The following COL9A1 variants were observed in gnomAD, a reference collection of about 807,000 sequenced individuals.
COL9A1 encodes the protein collagen type IX alpha 1 chain.
COL9A1 carries 104 observed loss-of-function variants against 142.6 expected under a neutral mutation model. The observed-to-expected ratio is 0.73, with a 90% CI of 0.62 to 0.86. The LOEUF (loss-of-function observed/expected upper bound fraction) is 0.86. COL9A1 is among the 40% of genes least tolerant of loss of function. COL9A1 has a pLI of 0.00. For missense variants in COL9A1, 1,210 were observed against 1,176.6 expected (o/e 1.03, Z -0.42); for synonymous variants, 466 against 396.0 (o/e 1.18, Z -2.10).
chr6:70,281,696 G>A (rs577261934), intron 7 of COL9A1, among the ~76,000 whole-genome samples: 1 of 152,266 alleles, frequency 6.6e-6, no homozygotes, highest in East Asian at 1.9e-4. Flanking sequence ...CGCCCCCAAG[G>A]TTGGGGGAGG....
intron 33 of COL9A1, among the ~76,000 whole-genome samples, chr6:70,238,894 T>C (rs1490591008): frequency 6.6e-6 from 1 of 152,192 alleles, no homozygotes; most frequent in Admixed American, 6.5e-5. Context: ...AACCCAGCAC[T>C]TTGGGAGGCT....
At chr6:70,299,141 T>C (rs946593108) in intron 4 of COL9A1, among the ~76,000 whole-genome samples, 1 of 152,112 alleles carries the variant, frequency 6.6e-6, no homozygotes, top group Non-Finnish European at 1.5e-5. Context: ...TAATATATAG[T>C]AGGTTCAAAA....
At chr6:70,297,493 T>G (rs2087616578) in intron 4 of COL9A1, among the ~76,000 whole-genome samples, 2 of 152,148 alleles carry the variant, frequency 1.3e-5, no homozygotes, top group Admixed American at 6.5e-5. Flanking sequence ...TAAGACCACT[T>G]AAAAGTCTCA....
At chr6:70,284,444 A>G (rs1773360948) in intron 5 of COL9A1, among the ~76,000 whole-genome samples, 1 of 152,200 alleles carries the variant, frequency 6.6e-6, no homozygotes, top group Non-Finnish European at 1.5e-5. Flanking sequence ...GACTCAGGAG[A>G]AAAAGATATA....
chr6:70,277,920 ACTTAC>A (rs1772875204), intron 10 of COL9A1, among the ~76,000 whole-genome samples: 2 of 152,206 alleles, frequency 1.3e-5, no homozygotes, highest in African/African-American at 4.8e-5. Context: ...AAGCTCTCCT[ACTTAC>A]TTAGCTCCCC....
Position 70,280,812 on chromosome 6 carries a change from A to T in COL9A1, c.975T>A (p.Asp325Glu). 1.2e-6 allele frequency: 2 copies of T among 1,611,942 alleles called. No individual in the cohort carries two copies. Among genetic ancestry groups the T allele is most frequent in the Non-Finnish European group, 1.7e-6 (2 of 1,179,318 alleles). Residue 325 changes from aspartate to glutamate, a missense_variant and splice_region_variant, in exon 10 of 38, where the codon GAT becomes GAA. Transcript: ENST00000357250. ...GCCCTCCCAGCACTCGCCTACTCAC[A>T]TCAGCGCCAGGTGTGCCAGGCTTGC... Reference protein sequence around the residue: ...APGKPGTPGADGLTGPDGSPG... With the variant: ...APGKPGTPGAEGLTGPDGSPG...
At chr6:70,296,874 G>A (rs1056012741) in intron 4 of COL9A1, among the ~76,000 whole-genome samples, 3 of 152,064 alleles carry the variant, frequency 2.0e-5, no homozygotes, top group Non-Finnish European at 4.4e-5. Flanking sequence ...GTTGAAGCAT[G>A]AGATTTTTTA....
chr6:70,277,978 T>C (rs1223670967), intron 10 of COL9A1, among the ~76,000 whole-genome samples: 1 of 152,214 alleles, frequency 6.6e-6, no homozygotes, highest in African/African-American at 2.4e-5. Context: ...ACCCAGTTAC[T>C]GCATTTCATT....
chr6:70,221,476 G>A (rs981049801), intron 37 of COL9A1, among the ~76,000 whole-genome samples: 1 of 152,158 alleles, frequency 6.6e-6, no homozygotes. Flanking sequence ...GAAAAATTAG[G>A]TACTGAAAAA....
At chr6:70,236,970 C>A (rs534730246) in intron 33 of COL9A1, among the ~76,000 whole-genome samples, 1 of 152,108 alleles carries the variant, frequency 6.6e-6, no homozygotes, top group Non-Finnish European at 1.5e-5. Flanking sequence ...TACAGGCGTG[C>A]GCCATGACAC....
intron 25 of COL9A1, among the ~76,000 whole-genome samples, chr6:70,253,826 T>G (rs1050484980): frequency 1.3e-5 from 2 of 152,160 alleles, no homozygotes; most frequent in African/African-American, 4.8e-5. Context: ...CTCTCAGAAA[T>G]GCTGAGCTTT....
At chr6:70,241,597 A>T (rs1770264422) in intron 30 of COL9A1, 143 bp from the exon 31 acceptor site, 6 of 733,270 alleles carry the variant, frequency 8.2e-6, no homozygotes. Context: ...ACCCAACAAG[A>T]ATCAGGACCA....
At chr6:70,296,672 T>A (rs9455031) in intron 4 of COL9A1, among the ~76,000 whole-genome samples, 2 of 152,114 alleles carry the variant, frequency 1.3e-5, no homozygotes, top group African/African-American at 4.8e-5. Flanking sequence ...TGGAAGTTTG[T>A]ACATCTTACC....
chr6:70,239,124 G>T, intron 33 of COL9A1, 130 bp downstream of exon 33: 2 of 665,990 alleles, frequency 3.0e-6, no homozygotes, highest in Non-Finnish European at 5.2e-6. Context: ...GGGCGACAGA[G>T]TGAGACTCCA....
In COL9A1 at chr6:70,247,958, A is replaced by T. The variant is rs1007759688; in HGVS notation, c.1872+4162T>A. 3.3e-5 allele frequency among the ~76,000 whole-genome samples: 5 copies of T among 152,166 alleles called. No homozygotes were observed. In the East Asian group the frequency reaches 9.6e-4, roughly 29 times the overall value. On this transcript the variant is annotated intron_variant, in intron 28 of 37. Coordinates refer to ENST00000357250, the MANE Select transcript of COL9A1 (RefSeq NM_001851.6). Reference sequence around the variant, plus strand: ...CTGTCATTGAGGCTGTTGGTATTGGAGGGGTGGTAAAGGACTACGAGAGAA... The same window carrying T: ...CTGTCATTGAGGCTGTTGGTATTGGTGGGGTGGTAAAGGACTACGAGAGAA...
intron 5 of COL9A1, among the ~76,000 whole-genome samples, chr6:70,285,921 G>A (rs941904189): frequency 5.3e-5 from 8 of 151,054 alleles, no homozygotes; most frequent in Non-Finnish European, 1.0e-4. Flanking sequence ...ATGAAGTCTC[G>A]CTCTGTTGCC....
intron 36 of COL9A1, among the ~76,000 whole-genome samples, chr6:70,228,095 A>T (rs1769345273): frequency 6.6e-6 from 1 of 152,126 alleles, no homozygotes; most frequent in African/African-American, 2.4e-5. Context: ...TTGGAACTGT[A>T]TAAATTTAGT....
At chr6:70,272,000 TG>T in intron 13 of COL9A1, 64 bp downstream of exon 13, 2 of 1,479,222 alleles carry the variant, frequency 1.4e-6, no homozygotes, top group Non-Finnish European at 1.9e-6. Context: ...GAGAATAAGG[TG>T]GGGATTTGAG....
chr6:70,217,993 A>T (rs1768633978), intron 37 of COL9A1, among the ~76,000 whole-genome samples: 1 of 152,136 alleles, frequency 6.6e-6, no homozygotes, highest in Admixed American at 6.5e-5. Flanking sequence ...ATACAAAAAA[A>T]TTAGCCAGGT....
Sources: allele counts gnomAD v4.1 joint callset (sites outside exome capture counted in the v4.1 genomes callset), GRCh38; gene constraint gnomAD v4.1.1; transcripts MANE v1.5; gene names NCBI Gene and HGNC (gene_info 2026-07-23, HGNC 2026-07-21).